The following VSTM4 variants were observed in gnomAD, a reference collection of about 807,000 sequenced individuals.
The protein encoded by VSTM4 is V-set and transmembrane domain containing 4.
In VSTM4, 20 loss-of-function variants were observed where a neutral mutation model predicts 36.4. The ratio of observed to expected loss-of-function variants is 0.55; its 90% CI spans 0.39 to 0.80. The LOEUF (loss-of-function observed/expected upper bound fraction) is 0.80. Ranked by LOEUF, VSTM4 falls within the 30% of genes least tolerant of loss-of-function variation. VSTM4 has a pLI of 0.00. For synonymous variants in VSTM4, 182 were observed against 173.9 expected, an observed-to-expected ratio of 1.05 and a Z score of -0.37; for missense variants, 392 against 404.5, an observed-to-expected ratio of 0.97 and a Z score of 0.26.
At chr10:49,062,029 T>C (rs749695310) in intron 5 of VSTM4, among the ~76,000 whole-genome samples, 40 of 152,252 alleles carry the variant, frequency 2.6e-4, no homozygotes, top group Middle Eastern at 3.2e-3. Flanking sequence ...AAAGTTATTT[T>C]AGTGATTGCT....
chr10:49,024,453 T>C (rs902697326), intron 7 of VSTM4, among the ~76,000 whole-genome samples: 1 of 152,118 alleles, frequency 6.6e-6, no homozygotes, highest in African/African-American at 2.4e-5. Flanking sequence ...AATGAAAGTG[T>C]TCATGGAGAA....
At position 49,047,389 on chromosome 10, in the gene VSTM4, G is replaced by A. The variant is rs561061557; in HGVS notation, c.776-345C>T. Among the ~76,000 whole-genome samples the A allele has an allele frequency of 2.0e-5, 3 of 152,242 alleles. 1 individual carries two copies. Among genetic ancestry groups the A allele is most frequent in the East Asian group, 3.9e-4 (2 of 5,172 alleles). On this transcript the variant is annotated intron_variant, in intron 6 of 7. Transcript: ENST00000332853. ...TCCGTCCTACCCACACACTAGCGCT[G>A]ATCACAATGACTCTTGAACCTCACA...
chr10:49,100,389 C>T (rs927329746), intron 2 of VSTM4, among the ~76,000 whole-genome samples: 9 of 152,194 alleles, frequency 5.9e-5, no homozygotes, highest in African/African-American at 1.9e-4. Context: ...TAAGTTAACT[C>T]ATTATGTTGC....
intron 1 of VSTM4, among the ~76,000 whole-genome samples, chr10:49,113,878 A>C (rs1482500714): frequency 6.6e-6 from 1 of 152,178 alleles, no homozygotes; most frequent in African/African-American, 2.4e-5. Context: ...ATCATCCTCC[A>C]GGGCTGACCA....
intron 3 of VSTM4, among the ~76,000 whole-genome samples, chr10:49,078,332 C>T (rs1844216554): frequency 6.6e-6 from 1 of 152,168 alleles, no homozygotes; most frequent in African/African-American, 2.4e-5. Context: ...AAAATGACAG[C>T]TTAAGTTCAC....
intron 7 of VSTM4, among the ~76,000 whole-genome samples, chr10:49,027,776 G>T (rs929625771): frequency 6.6e-6 from 1 of 152,220 alleles, no homozygotes; most frequent in Non-Finnish European, 1.5e-5. Context: ...AGCAACGATT[G>T]TCTGCTCCTC....
intron 3 of VSTM4, among the ~76,000 whole-genome samples, chr10:49,078,438 AC>A (rs1202219121): frequency 6.6e-6 from 1 of 152,050 alleles, no homozygotes; most frequent in Non-Finnish European, 1.5e-5. Context: ...TGGTACATCC[AC>A]ACCACAGCAT....
At chr10:49,062,040 T>G (rs1843886627) in intron 5 of VSTM4, among the ~76,000 whole-genome samples, 1 of 152,230 alleles carries the variant, frequency 6.6e-6, no homozygotes, top group African/African-American at 2.4e-5. Context: ...AGTGATTGCT[T>G]TGGTCATTAC....
At chr10:49,070,275 A>G (rs1429128596) in intron 4 of VSTM4, among the ~76,000 whole-genome samples, 2 of 151,626 alleles carry the variant, frequency 1.3e-5, no homozygotes, top group Admixed American at 6.6e-5. Context: ...AAAAAAAAAA[A>G]AAAAGAAATA....
Position 49,038,100 on chromosome 10 carries a change from C to A in VSTM4, c.837+8883G>T, listed in dbSNP as rs1408167262. ...CATTACCATCTGATCCAGCAATCCC[C>A]CTTCTGGGTATATAACCAAAATAAT... On this transcript the variant is annotated intron_variant, in intron 7 of 7. Coordinates refer to ENST00000332853, the MANE Select transcript of VSTM4 (RefSeq NM_001031746.5). 2.0e-5 allele frequency among the ~76,000 whole-genome samples: 3 copies of A among 152,170 alleles called. No individual in the cohort carries two copies. The East Asian group carries it at 5.8e-4, about 29-fold the overall frequency.
At chr10:49,048,256 C>T (rs1287192897) in intron 6 of VSTM4, among the ~76,000 whole-genome samples, 1 of 152,220 alleles carries the variant, frequency 6.6e-6, no homozygotes, top group Non-Finnish European at 1.5e-5. Flanking sequence ...TTGCTTCCTC[C>T]TCCAACTCCA....
intron 3 of VSTM4, among the ~76,000 whole-genome samples, chr10:49,081,376 A>G (rs1844275505): frequency 6.6e-6 from 1 of 152,164 alleles, no homozygotes; most frequent in Admixed American, 6.6e-5. Flanking sequence ...GGAGAGAAAA[A>G]TTGTCTTACA....
chr10:49,066,285 C>A (rs564009243), intron 4 of VSTM4, among the ~76,000 whole-genome samples: 2 of 152,278 alleles, frequency 1.3e-5, no homozygotes, highest in Non-Finnish European at 2.9e-5. Flanking sequence ...AGACATCAAA[C>A]AAGAATTAAT....
At chr10:49,072,089 C>G (rs907512572) in intron 4 of VSTM4, among the ~76,000 whole-genome samples, 9 of 152,186 alleles carry the variant, frequency 5.9e-5, no homozygotes, top group African/African-American at 1.9e-4. Context: ...TTCTGAGGAT[C>G]AGTGGGATCT....
At chr10:49,026,744 T>G (rs1843268049) in intron 7 of VSTM4, among the ~76,000 whole-genome samples, 1 of 152,136 alleles carries the variant, frequency 6.6e-6, no homozygotes, top group Non-Finnish European at 1.5e-5. Flanking sequence ...ATTTATTCCC[T>G]CACAGCAGAG....
At chr10:49,043,730 A>G (rs1843556602) in intron 7 of VSTM4, among the ~76,000 whole-genome samples, 1 of 152,264 alleles carries the variant, frequency 6.6e-6, no homozygotes, top group Admixed American at 6.5e-5. Flanking sequence ...AAAATAAAAA[A>G]GAGTCTGACA....
At position 49,061,952 on chromosome 10, in the gene VSTM4, G is replaced by C. The variant is rs1055111750; in HGVS notation, c.668+2751C>G. 5.3e-5 allele frequency among the ~76,000 whole-genome samples: 8 copies of C among 152,108 alleles called. 1 individual carries two copies. Among genetic ancestry groups the C allele is most frequent in the Admixed American group, 1.3e-4 (2 of 15,262 alleles). ...TATTTCCTGTAATTCTCATTCCTCTGTTTCTTTGTGTTACTTGCATAAATT... is the reference window on the plus strand; with the variant it reads ...TATTTCCTGTAATTCTCATTCCTCTCTTTCTTTGTGTTACTTGCATAAATT... On this transcript the variant is annotated intron_variant, in intron 5 of 7. Transcript: ENST00000332853.
At chr10:49,043,761 T>C (rs1165310347) in intron 7 of VSTM4, among the ~76,000 whole-genome samples, 1 of 152,204 alleles carries the variant, frequency 6.6e-6, no homozygotes, top group Non-Finnish European at 1.5e-5. Flanking sequence ...ATTGGATCCA[T>C]TTCTAAACTC....
chr10:49,085,269 C>T lies in VSTM4; in HGVS notation c.526+686G>A, dbSNP rs114785685. The stretch of plus-strand genomic sequence containing the variant: ...TCCAAGGCCATGGTTCTCAGCCTGG[C>T]TGCATGCTGCAATCATCTGGGGAGC... On this transcript the variant is annotated intron_variant, in intron 3 of 7. Coordinates refer to ENST00000332853, the MANE Select transcript of VSTM4 (RefSeq NM_001031746.5). Among the ~76,000 whole-genome samples, 675 of 152,354 alleles carry T rather than the reference C, an allele frequency of 4.4e-3. 7 individuals are homozygous for T. Among genetic ancestry groups the T allele is most frequent in the African/African-American group, 0.015 (629 of 41,584 alleles).
Sources: allele counts gnomAD v4.1 joint callset (sites outside exome capture counted in the v4.1 genomes callset), GRCh38; gene constraint gnomAD v4.1.1; transcripts MANE v1.5; gene names NCBI Gene and HGNC (gene_info 2026-07-23, HGNC 2026-07-21).